The following ARK2N variants were observed in gnomAD, a reference collection of about 807,000 sequenced individuals.
ARK2N encodes protein ARK2N.
chr18:46,204,862 TAGGA>T, the ARK2N span, among the ~76,000 whole-genome samples: 1 of 152,068 alleles, frequency 6.6e-6, no homozygotes. Flanking sequence ...TTCCTTACAT[TAGGA>T]AGGACGATAC....
the ARK2N span, among the ~76,000 whole-genome samples, chr18:46,186,020 C>T: frequency 3.3e-5 from 5 of 151,530 alleles, no homozygotes; most frequent in Non-Finnish European, 7.4e-5. Context: ...GGCAAAACTT[C>T]GAAAATACCT....
At chr18:46,185,406 T>C in the ARK2N span, among the ~76,000 whole-genome samples, 26 of 152,358 alleles carry the variant, frequency 1.7e-4, no homozygotes, top group African/African-American at 6.3e-4. Flanking sequence ...TGTGTGCACA[T>C]GTGCCACAGT....
chr18:46,213,533 G>A, the ARK2N span, among the ~76,000 whole-genome samples: 6 of 152,004 alleles, frequency 3.9e-5, no homozygotes, highest in African/African-American at 1.2e-4. Context: ...TGGTTTAACT[G>A]TTACTCCCTC....
chr18:46,266,932 CTG>C, the ARK2N span: 4 of 149,982 alleles, frequency 2.7e-5, no homozygotes, highest in Non-Finnish European at 5.9e-5. Context: ...TGAAATAAGT[CTG>C]TAGCATAAAG....
At chr18:46,242,732 G>A in the ARK2N span, among the ~76,000 whole-genome samples, 907 of 152,200 alleles carry the variant, frequency 6.0e-3, 10 homozygotes, top group African/African-American at 0.021. Context: ...TTTGAAATGT[G>A]CTTTTTTAGT....
chr18:46,184,046 A>T, the ARK2N span, among the ~76,000 whole-genome samples: 1 of 152,112 alleles, frequency 6.6e-6, no homozygotes, highest in East Asian at 1.9e-4. Flanking sequence ...GCTGGTGTGC[A>T]GTGGCATGAT....
chr18:46,209,569 T>C, the ARK2N span, among the ~76,000 whole-genome samples: 1 of 152,114 alleles, frequency 6.6e-6, no homozygotes, highest in Non-Finnish European at 1.5e-5. Context: ...TTCATTTTCA[T>C]TGTCCATAAT....
At chr18:46,255,842 T>G in the ARK2N span, among the ~76,000 whole-genome samples, 1 of 152,130 alleles carries the variant, frequency 6.6e-6, no homozygotes, top group East Asian at 1.9e-4. Context: ...GTTTTCTGCC[T>G]TAATTACAAA....
chr18:46,210,412 A>G, the ARK2N span, among the ~76,000 whole-genome samples: 1 of 152,216 alleles, frequency 6.6e-6, no homozygotes, highest in Admixed American at 6.5e-5. Context: ...CTATTTACTG[A>G]GCTAGAGAAA....
At chr18:46,210,962 C>T in the ARK2N span, among the ~76,000 whole-genome samples, 2 of 151,242 alleles carry the variant, frequency 1.3e-5, no homozygotes, top group African/African-American at 4.9e-5. Flanking sequence ...GGACCTAGAC[C>T]TAGGATTAAA....
At chr18:46,261,718 C>G in the ARK2N span, among the ~76,000 whole-genome samples, 1 of 152,164 alleles carries the variant, frequency 6.6e-6, no homozygotes, top group African/African-American at 2.4e-5. Flanking sequence ...GCTTCTGGTA[C>G]TGTAGCAAAT....
the ARK2N span, among the ~76,000 whole-genome samples, chr18:46,241,736 AAAAAG>A: frequency 6.6e-6 from 1 of 152,156 alleles, no homozygotes; most frequent in Non-Finnish European, 1.5e-5. Context: ...CCAAAAAAGA[AAAAAG>A]AAGTAATAAT....
chr18:46,228,044 TG>T, the ARK2N span, among the ~76,000 whole-genome samples: 5 of 152,258 alleles, frequency 3.3e-5, no homozygotes, highest in African/African-American at 1.2e-4. Flanking sequence ...TTATAACTGA[TG>T]GGTTTCCCTC....
At chr18:46,219,564 G>GC in the ARK2N span, among the ~76,000 whole-genome samples, 3 of 151,698 alleles carry the variant, frequency 2.0e-5, no homozygotes, top group African/African-American at 4.8e-5. Context: ...CCGCCTCCCA[G>GC]GTTCAAGCGA....
At chr18:46,191,032 T>C in the ARK2N span, among the ~76,000 whole-genome samples, 1 of 152,204 alleles carries the variant, frequency 6.6e-6, no homozygotes, top group Non-Finnish European at 1.5e-5. Flanking sequence ...ACTCATTTGA[T>C]ATTATCTCGG....
At chr18:46,240,597 T>TA in the ARK2N span, among the ~76,000 whole-genome samples, 1 of 152,228 alleles carries the variant, frequency 6.6e-6, no homozygotes, top group Non-Finnish European at 1.5e-5. Context: ...GGGCTGGCTG[T>TA]TCATACACAG....
chr18:46,215,188 G>T, the ARK2N span, among the ~76,000 whole-genome samples: 1,374 of 152,218 alleles, frequency 9.0e-3, 11 homozygotes, highest in Non-Finnish European at 0.012. Flanking sequence ...GTGTGGTGGT[G>T]TGCGCCTGTA....
At chr18:46,260,701 C>T in the ARK2N span, among the ~76,000 whole-genome samples, 1 of 152,186 alleles carries the variant, frequency 6.6e-6, no homozygotes, top group Non-Finnish European at 1.5e-5. Flanking sequence ...TTCTTTGCCG[C>T]TTATTGAATG....
At chr18:46,240,335 T>G in the ARK2N span, 1 of 827,016 alleles carries the variant, frequency 1.2e-6, no homozygotes, top group Non-Finnish European at 1.8e-6. Flanking sequence ...AGGCTGCCAT[T>G]TATACCTGAA....
Sources: gnomAD v4.1 joint callset for allele counts (sites outside exome capture counted in the v4.1 genomes callset) on GRCh38, gnomAD v4.1.1 for gene constraint, MANE v1.5 for transcripts, NCBI Gene and HGNC (gene_info 2026-07-23, HGNC 2026-07-21) for gene names.